The following CGGBP1 variants were observed in gnomAD, a reference collection of about 807,000 sequenced individuals.
CGGBP1 encodes CGG triplet repeat-binding protein 1.
Under a neutral mutation model 11.4 loss-of-function variants are expected in CGGBP1, and 4 were observed. The observed-to-expected ratio is 0.35, with a 90% CI of 0.17 to 0.80. The LOEUF (loss-of-function observed/expected upper bound fraction) is 0.80. Among genes scored for constraint, CGGBP1 ranks in the 30% least tolerant of loss-of-function variants. CGGBP1 has a pLI of 0.52. For missense variants in CGGBP1, 135 were observed against 202.1 expected, an observed-to-expected ratio of 0.67 and a Z score of 2.01; for synonymous variants, 76 against 74.1, an observed-to-expected ratio of 1.03 and a Z score of -0.13.
intron 2 of CGGBP1, among the ~76,000 whole-genome samples, chr3:88,105,383 A>G (rs56185750): frequency 3.9e-5 from 6 of 152,184 alleles, no homozygotes; most frequent in Middle Eastern, 3.4e-3. Flanking sequence ...TGTGAATTCT[A>G]TGAATTTTGT....
intron 2 of CGGBP1, chr3:88,138,946 C>T: frequency 8.1e-7 from 1 of 1,242,146 alleles, no homozygotes; most frequent in African/African-American, 1.5e-5. Context: ...AATGAAGGCA[C>T]AAGTAGTGTT....
chr3:88,071,064 T>A (rs2107613807), intron 2 of CGGBP1, among the ~76,000 whole-genome samples: 2 of 152,224 alleles, frequency 1.3e-5, no homozygotes, highest in East Asian at 3.8e-4. Flanking sequence ...TTACTTTGAT[T>A]TCCTGCATAT....
intron 2 of CGGBP1, among the ~76,000 whole-genome samples, chr3:88,133,015 ATC>A (rs1706557687): frequency 6.6e-6 from 1 of 152,146 alleles, no homozygotes. Context: ...GTTTTTCAAA[ATC>A]TGTTTCTTTT....
intron 2 of CGGBP1, among the ~76,000 whole-genome samples, chr3:88,087,628 G>C (rs1265302537): frequency 6.6e-6 from 1 of 152,162 alleles, no homozygotes; most frequent in Non-Finnish European, 1.5e-5. Context: ...AGCTTCATCT[G>C]TTATTTATTT....
upstream of CGGBP1, chr3:88,059,206 C>A: frequency 2.7e-6 from 4 of 1,456,112 alleles, no homozygotes; most frequent in South Asian, 1.4e-5. Flanking sequence ...GGCCCCTGTC[C>A]GGCTAGGGAG....
At chr3:88,059,821 C>G (rs189816435), upstream of CGGBP1, among the ~76,000 whole-genome samples, 45 of 152,230 alleles carry the variant, frequency 3.0e-4, no homozygotes, top group African/African-American at 1.1e-3. Context: ...CCTTCCTGCC[C>G]GAGAGTCCCG....
chr3:88,127,923 T>C (rs1706217236), intron 2 of CGGBP1, among the ~76,000 whole-genome samples: 1 of 152,186 alleles, frequency 6.6e-6, no homozygotes, highest in Non-Finnish European at 1.5e-5. Context: ...TATCATATAT[T>C]GTAAACAGAA....
chr3:88,090,195 C>G (rs1003341923), intron 2 of CGGBP1, among the ~76,000 whole-genome samples: 13 of 152,278 alleles, frequency 8.5e-5, no homozygotes, highest in African/African-American at 2.9e-4. Flanking sequence ...GCAGGTTCTT[C>G]TGAAGGCATT....
At chr3:88,125,688 A>G (rs964218373) in intron 2 of CGGBP1, among the ~76,000 whole-genome samples, 4 of 152,176 alleles carry the variant, frequency 2.6e-5, no homozygotes, top group African/African-American at 7.2e-5. Flanking sequence ...ACTTTTGTCT[A>G]CCTGCCAGCC....
At chr3:88,059,203 G>T (rs1209967779), upstream of CGGBP1, 4 of 1,452,930 alleles carry the variant, frequency 2.8e-6, no homozygotes, top group East Asian at 1.0e-4. Flanking sequence ...AGAGGCCCCT[G>T]TCCGGCTAGG....
upstream of CGGBP1, chr3:88,059,047 T>C (rs1317613444): frequency 9.0e-6 from 5 of 558,294 alleles, no homozygotes; most frequent in South Asian, 1.1e-4. Flanking sequence ...CCGAGCAGCA[T>C]TGACCAACAG....
intron 2 of CGGBP1, among the ~76,000 whole-genome samples, chr3:88,074,016 T>C (rs979748166): frequency 2.0e-5 from 3 of 152,194 alleles, no homozygotes; most frequent in African/African-American, 7.2e-5. Context: ...TCCTTTCCAG[T>C]TTTAATTTGA....
intron 2 of CGGBP1, among the ~76,000 whole-genome samples, chr3:88,107,405 T>C (rs1197523989): frequency 6.6e-6 from 1 of 152,212 alleles, no homozygotes; most frequent in Non-Finnish European, 1.5e-5. Context: ...GTAAACAATC[T>C]ATATCTTTCT....
intron 2 of CGGBP1, among the ~76,000 whole-genome samples, chr3:88,085,858 T>G (rs367572687): frequency 2.6e-5 from 4 of 152,182 alleles, no homozygotes; most frequent in Middle Eastern, 3.2e-3. Context: ...ATGCTTAGAG[T>G]CTTATAAATA....
intron 2 of CGGBP1, chr3:88,135,296 C>A: frequency 9.1e-7 from 1 of 1,101,394 alleles, no homozygotes; most frequent in Non-Finnish European, 1.2e-6. Context: ...GATTTTAAAA[C>A]TGAAGGAAAG....
At chr3:88,133,978 G>A (rs1379432191) in intron 2 of CGGBP1, among the ~76,000 whole-genome samples, 2 of 152,038 alleles carry the variant, frequency 1.3e-5, no homozygotes, top group African/African-American at 4.8e-5. Context: ...TTAGTTCTGA[G>A]TGGGTTCAGG....
At chr3:88,106,642 C>T (rs1383458539) in intron 2 of CGGBP1, among the ~76,000 whole-genome samples, 1 of 151,896 alleles carries the variant, frequency 6.6e-6, no homozygotes, top group Non-Finnish European at 1.5e-5. Flanking sequence ...TGGCCTCGGC[C>T]CTTTTTTTCA....
intron 2 of CGGBP1, among the ~76,000 whole-genome samples, chr3:88,083,941 TTATATATA>T (rs78670676): frequency 1.1e-3 from 160 of 147,672 alleles, no homozygotes; most frequent in African/African-American, 3.3e-3. Flanking sequence ...TGTACTTATT[TTATATATA>T]TATATATATA....
rs114913007 is a variant in CGGBP1 at position 88,111,826 on chromosome 3, T to C, written c.-229+29144A>G. On this transcript the variant is annotated intron_variant, in intron 2 of 3. Transcript: ENST00000462901. ...CTGTTTCTATACACCAAAGCCATCATAGAATACATCATCTCTTTTATTTTC... is the reference window on the plus strand; with the variant it reads ...CTGTTTCTATACACCAAAGCCATCACAGAATACATCATCTCTTTTATTTTC... 5.2e-3 allele frequency among the ~76,000 whole-genome samples: 786 copies of C among 152,106 alleles called. 7 individuals are homozygous for C. Among genetic ancestry groups the C allele is most frequent in the African/African-American group, 0.018 (756 of 41,552 alleles).
Sources: gnomAD v4.1 joint callset for allele counts (sites outside exome capture counted in the v4.1 genomes callset) on GRCh38, gnomAD v4.1.1 for gene constraint, MANE v1.5 for transcripts, NCBI Gene and HGNC (gene_info 2026-07-23, HGNC 2026-07-21) for gene names.